TNS3: variants seen among roughly 807,000 people sequenced by gnomAD.
TNS3 encodes tensin-3.
In TNS3, 45 loss-of-function variants were observed where a neutral mutation model predicts 140.9. The observed-to-expected ratio is 0.32, with a 90% CI of 0.25 to 0.41. The LOEUF (loss-of-function observed/expected upper bound fraction) is 0.41. TNS3 is among the 10% of genes least tolerant of loss of function. The probability of loss-of-function intolerance (pLI) is 1.00; values close to 1 mark genes in which losing one functional copy is unlikely to be tolerated. For missense variants in TNS3, 1,716 were observed against 1,906.7 expected (o/e 0.90, Z 1.86); for synonymous variants, 815 against 788.4 (o/e 1.03, Z -0.56).
At chr7:47,433,348 T>C (rs1475939093) in intron 8 of TNS3, among the ~76,000 whole-genome samples, 3 of 152,184 alleles carry the variant, frequency 2.0e-5, no homozygotes, top group Non-Finnish European at 4.4e-5. Flanking sequence ...TTTCTAAGCG[T>C]TTCAAAAATG....
chr7:47,378,157 T>C lies in TNS3; in HGVS notation c.1025-8536A>G, dbSNP rs146709596. 3.9e-4 allele frequency among the ~76,000 whole-genome samples: 59 copies of C among 152,092 alleles called. 1 individual carries two copies. The highest frequency in any genetic ancestry group is 6.3e-4 in the Non-Finnish European group (43 of 67,884). Reference sequence around the variant, plus strand: ...CAAAAGGCATGGCACACAGCAGGCATTGGGCAAACCCTCCTTTCTGTGCTT... The same window carrying C: ...CAAAAGGCATGGCACACAGCAGGCACTGGGCAAACCCTCCTTTCTGTGCTT... On this transcript the variant is annotated intron_variant, in intron 16 of 30. Coordinates refer to ENST00000311160, the MANE Select transcript of TNS3 (RefSeq NM_022748.12).
intron 2 of TNS3, among the ~76,000 whole-genome samples, chr7:47,510,915 A>G (rs1798584662): frequency 6.6e-6 from 1 of 151,734 alleles, no homozygotes; most frequent in Non-Finnish European, 1.5e-5. Flanking sequence ...AACAACTCCT[A>G]GGACATTTCT....
At chr7:47,552,853 G>A (rs1471116918) in intron 1 of TNS3, among the ~76,000 whole-genome samples, 1 of 152,238 alleles carries the variant, frequency 6.6e-6, no homozygotes. Context: ...CTAAAAGCCA[G>A]GCCTCTCATG....
chr7:47,433,538 CA>C, intron 8 of TNS3, among the ~76,000 whole-genome samples: 1 of 152,334 alleles, frequency 6.6e-6, no homozygotes, highest in East Asian at 1.9e-4. Context: ...TAAATAATCT[CA>C]TCATTTCTTT....
At position 47,297,265 on chromosome 7, in the gene TNS3, T is replaced by C. The variant is rs546032718; in HGVS notation, c.3545-52A>G. 18 of 1,563,528 alleles carry C rather than the reference T, an allele frequency of 1.2e-5. No homozygotes were observed. The South Asian group carries it at 2.1e-4, about 18-fold the overall frequency. On this transcript the variant is annotated intron_variant, in intron 23 of 30. Coordinates refer to ENST00000311160, the MANE Select transcript of TNS3 (RefSeq NM_022748.12). The stretch of plus-strand genomic sequence containing the variant: ...AAGGTCTGCCGGGTGGACAAAGGTC[T>C]ATGCCCACTCATAACCTTGGGTAGG...
intron 8 of TNS3, 97 bp from the exon 9 acceptor site, chr7:47,428,473 G>C (rs989047632): frequency 2.2e-6 from 2 of 912,676 alleles, no homozygotes; most frequent in East Asian, 3.0e-5. Context: ...AAACAATAGA[G>C]AGCCTGCTTT....
intron 16 of TNS3, among the ~76,000 whole-genome samples, chr7:47,379,981 A>G (rs1791647780): frequency 1.3e-5 from 2 of 152,278 alleles, no homozygotes. Flanking sequence ...AGAACCTTCC[A>G]CACAGAAACG....
intron 23 of TNS3, among the ~76,000 whole-genome samples, chr7:47,298,069 AG>A: frequency 6.6e-6 from 1 of 152,358 alleles, no homozygotes; most frequent in East Asian, 1.9e-4. Context: ...TACAGGCGTG[AG>A]CCACTGCGCC....
intron 3 of TNS3, among the ~76,000 whole-genome samples, chr7:47,483,900 G>C (rs2151800433): frequency 6.6e-6 from 1 of 152,316 alleles, no homozygotes; most frequent in Admixed American, 6.5e-5. Flanking sequence ...GCCTTCTCCT[G>C]CCAGGACTTC....
chr7:47,579,455 G>A (rs1369741780), intron 1 of TNS3: 1 of 152,232 alleles, frequency 6.6e-6, no homozygotes, highest in African/African-American at 2.4e-5. Flanking sequence ...GGGCCGCTGT[G>A]AGGAAGCCTC....
intron 4 of TNS3, among the ~76,000 whole-genome samples, chr7:47,453,737 C>T (rs1420786071): frequency 6.6e-6 from 1 of 152,190 alleles, no homozygotes; most frequent in African/African-American, 2.4e-5. Flanking sequence ...TTCTGAGTTA[C>T]AAAACGGGAG....
At chr7:47,378,987 G>C (rs1386195597) in intron 16 of TNS3, among the ~76,000 whole-genome samples, 1 of 152,230 alleles carries the variant, frequency 6.6e-6, no homozygotes, top group Admixed American at 6.5e-5. Flanking sequence ...GGTGAGGACA[G>C]GTGCTAAGGG....
chr7:47,314,587 ATTG>A (rs534384462), intron 20 of TNS3, among the ~76,000 whole-genome samples: 53 of 152,334 alleles, frequency 3.5e-4, no homozygotes, highest in South Asian at 2.5e-3. Context: ...AACAGGCAGA[ATTG>A]TTGTTGTTGC....
At chr7:47,286,354 G>A (rs1057173107) in intron 27 of TNS3, among the ~76,000 whole-genome samples, 4 of 152,154 alleles carry the variant, frequency 2.6e-5, no homozygotes, top group Non-Finnish European at 5.9e-5. Flanking sequence ...AGAAGAAAAT[G>A]CTGCCACTAG....
At chr7:47,288,812 T>TCA (rs1785552340) in intron 27 of TNS3, among the ~76,000 whole-genome samples, 1 of 152,188 alleles carries the variant, frequency 6.6e-6, no homozygotes, top group Admixed American at 6.5e-5. Context: ...TTTAATCTTT[T>TCA]CAACTGCTAT....
At chr7:47,315,349 C>T (rs6964508) in intron 20 of TNS3, among the ~76,000 whole-genome samples, 16,381 of 152,242 alleles carry the variant, frequency 0.11, 1,104 homozygotes, top group African/African-American at 0.18. Flanking sequence ...GCTGCTGCTG[C>T]GGGGCAGCCC....
At chr7:47,559,181 C>G (rs1313334626) in intron 1 of TNS3, among the ~76,000 whole-genome samples, 3 of 152,140 alleles carry the variant, frequency 2.0e-5, no homozygotes, top group Non-Finnish European at 2.9e-5. Flanking sequence ...GAAACTCCAT[C>G]TCTACTAAAA....
intron 13 of TNS3, among the ~76,000 whole-genome samples, chr7:47,401,193 C>A (rs1440686702): frequency 1.3e-5 from 2 of 152,232 alleles, no homozygotes; most frequent in African/African-American, 4.8e-5. Context: ...GCTCTGAACA[C>A]CACTATCGCT....
chr7:47,456,759 G>A (rs185181320), intron 4 of TNS3, among the ~76,000 whole-genome samples: 77 of 152,114 alleles, frequency 5.1e-4, no homozygotes, highest in Admixed American at 1.4e-3. Flanking sequence ...CGAGACATTC[G>A]CTGCCCCACA....
Sources: gnomAD v4.1 joint callset for allele counts (sites outside exome capture counted in the v4.1 genomes callset) on GRCh38, gnomAD v4.1.1 for gene constraint, MANE v1.5 for transcripts, NCBI Gene and HGNC (gene_info 2026-07-23, HGNC 2026-07-21) for gene names.